The following SPOCK3 variants were observed in gnomAD, a reference collection of about 807,000 sequenced individuals.
The protein encoded by SPOCK3 is SPARC (osteonectin), cwcv and kazal like domains proteoglycan 3.
In SPOCK3, 30 loss-of-function variants were observed where a neutral mutation model predicts 56.6. The ratio of observed to expected loss-of-function variants is 0.53; its 90% CI spans 0.40 to 0.72. SPOCK3 has a LOEUF of 0.72. SPOCK3 is among the 30% of genes least tolerant of loss of function. The pLI is 0.00. For missense variants in SPOCK3, 527 were observed against 530.0 expected (o/e 0.99, Z 0.06); for synonymous variants, 196 against 183.3 (o/e 1.07, Z -0.56).
At chr4:166,839,470 CACAGGGT>C (rs1747001254) in intron 6 of SPOCK3, among the ~76,000 whole-genome samples, 1 of 152,028 alleles carries the variant, frequency 6.6e-6, no homozygotes, top group Non-Finnish European at 1.5e-5. Flanking sequence ...TAGACATTAG[CACAGGGT>C]AAGAGAAGAG....
intron 2 of SPOCK3, among the ~76,000 whole-genome samples, chr4:167,097,356 TTC>T (rs896297880): frequency 5.1e-4 from 78 of 151,998 alleles, no homozygotes; most frequent in African/African-American, 1.8e-3. Context: ...TCAGTAAATC[TTC>T]TCTAGTATCT....
At chr4:167,224,797 G>C (rs1269201006) in intron 2 of SPOCK3, among the ~76,000 whole-genome samples, 5 of 151,442 alleles carry the variant, frequency 3.3e-5, no homozygotes, top group Non-Finnish European at 7.4e-5. Flanking sequence ...GTAGCGAGTA[G>C]CTGGGATTAC....
At chr4:166,889,995 T>C (rs1396044334) in intron 5 of SPOCK3, among the ~76,000 whole-genome samples, 1 of 152,006 alleles carries the variant, frequency 6.6e-6, no homozygotes, top group Non-Finnish European at 1.5e-5. Flanking sequence ...GTCTCTCTAA[T>C]CCTCGTGTGC....
At position 166,748,340 on chromosome 4, in the gene SPOCK3, C is replaced by T. The variant is rs371126800; in HGVS notation, c.931+6168G>A. Among the ~76,000 whole-genome samples the T allele has an allele frequency of 4.0e-4, 55 of 137,056 alleles. 3 individuals carry two copies. The East Asian group carries it at 7.1e-3, about 18-fold the overall frequency. 89.9% of individuals were successfully genotyped at this position (137,056 alleles called of 152,430 possible). On this transcript the variant is annotated intron_variant, in intron 8 of 10. Transcript: ENST00000357545. Reference sequence around the variant, plus strand: ...CCTCAGAAATAATACCACACATCTACAACCATCTGATCTTTGACAAACCTG... The same window carrying T: ...CCTCAGAAATAATACCACACATCTATAACCATCTGATCTTTGACAAACCTG...
intron 4 of SPOCK3, among the ~76,000 whole-genome samples, chr4:166,998,605 C>T (rs1433635867): frequency 1.3e-5 from 2 of 152,112 alleles, no homozygotes; most frequent in Non-Finnish European, 2.9e-5. Context: ...GGTGTCAAAA[C>T]GAGTGTGTCT....
At position 167,120,753 on chromosome 4, in the gene SPOCK3, T is replaced by G. The variant is rs1208577067; in HGVS notation, c.190-58216A>C. 3.3e-5 allele frequency among the ~76,000 whole-genome samples: 5 copies of G among 151,758 alleles called. No homozygotes were observed. The East Asian group carries it at 7.8e-4, about 24-fold the overall frequency. ...ATAACTTCATTCATTTTAACAGAAG[T>G]GCATTTTTAAAAAGTTTTTAAACAT... is the stretch of plus-strand genomic sequence containing the variant. On this transcript the variant is annotated intron_variant, in intron 2 of 10. Coordinates refer to ENST00000357545, the MANE Select transcript of SPOCK3 (RefSeq NM_001040159.2).
intron 4 of SPOCK3, among the ~76,000 whole-genome samples, chr4:166,937,554 C>CTA (rs1740562514): frequency 6.8e-6 from 1 of 147,492 alleles, no homozygotes; most frequent in African/African-American, 2.5e-5. Flanking sequence ...TTATATATTA[C>CTA]TATATATATG....
chr4:167,086,743 T>C (rs549247243), intron 2 of SPOCK3, among the ~76,000 whole-genome samples: 2 of 152,144 alleles, frequency 1.3e-5, no homozygotes, highest in Non-Finnish European at 2.9e-5. Context: ...TATAAATATC[T>C]ACTTTACTCA....
chr4:167,029,551 T>A (rs1752064611), intron 3 of SPOCK3, among the ~76,000 whole-genome samples: 1 of 152,126 alleles, frequency 6.6e-6, no homozygotes, highest in African/African-American at 2.4e-5. Flanking sequence ...TTTAACTAAA[T>A]ACAGAATTGT....
chr4:167,195,257 A>G (rs1012825407), intron 2 of SPOCK3, among the ~76,000 whole-genome samples: 1 of 152,198 alleles, frequency 6.6e-6, no homozygotes, highest in Admixed American at 6.5e-5. Context: ...AGCTGCTTCA[A>G]GTGAGTCTCT....
intron 3 of SPOCK3, among the ~76,000 whole-genome samples, chr4:167,029,622 T>C (rs1752069466): frequency 6.6e-6 from 1 of 152,076 alleles, no homozygotes; most frequent in African/African-American, 2.4e-5. Flanking sequence ...CCCATATCTA[T>C]TGTTAGTAGT....
chr4:166,893,348 C>T (rs1734990668), intron 5 of SPOCK3, among the ~76,000 whole-genome samples: 1 of 152,200 alleles, frequency 6.6e-6, no homozygotes, highest in Admixed American at 6.6e-5. Flanking sequence ...ATTCTACAAA[C>T]CAACTGTCAA....
intron 2 of SPOCK3, among the ~76,000 whole-genome samples, chr4:167,142,207 C>G (rs1279115825): frequency 6.6e-6 from 1 of 151,772 alleles, no homozygotes; most frequent in East Asian, 1.9e-4. Flanking sequence ...GCAATATGAG[C>G]AAGTAAATAG....
chr4:167,185,822 T>C (rs977017185), intron 2 of SPOCK3, among the ~76,000 whole-genome samples: 1 of 152,208 alleles, frequency 6.6e-6, no homozygotes, highest in Non-Finnish European at 1.5e-5. Flanking sequence ...AACGAGTTTC[T>C]AAAATAAAAA....
intron 2 of SPOCK3, among the ~76,000 whole-genome samples, chr4:167,134,026 T>C (rs890821115): frequency 2.9e-5 from 4 of 136,140 alleles, no homozygotes; most frequent in South Asian, 2.6e-4. Context: ...CTTTTTCTTT[T>C]TTTTTTTTTT....
intron 4 of SPOCK3, among the ~76,000 whole-genome samples, chr4:166,942,591 C>T (rs1417442073): frequency 6.6e-6 from 1 of 151,448 alleles, no homozygotes; most frequent in Non-Finnish European, 1.5e-5. Flanking sequence ...TCATAGAACA[C>T]TATATATATT....
chr4:167,126,559 CA>C (rs566237445), intron 2 of SPOCK3, among the ~76,000 whole-genome samples: 150 of 150,504 alleles, frequency 1.0e-3, no homozygotes, highest in African/African-American at 3.4e-3. Flanking sequence ...AAAAAACAAA[CA>C]AAAAAAGTTC....
At chr4:167,100,569 C>T (rs924028200) in intron 2 of SPOCK3, among the ~76,000 whole-genome samples, 3 of 151,658 alleles carry the variant, frequency 2.0e-5, no homozygotes, top group Admixed American at 6.6e-5. Flanking sequence ...TCAATCTCAC[C>T]CTCCCATCTT....
At chr4:167,077,148 T>C (rs1295704929) in intron 2 of SPOCK3, among the ~76,000 whole-genome samples, 1 of 151,860 alleles carries the variant, frequency 6.6e-6, no homozygotes, top group Non-Finnish European at 1.5e-5. Flanking sequence ...ACATAATATA[T>C]GCATCTAAAA....
Sources: allele counts gnomAD v4.1 joint callset (sites outside exome capture counted in the v4.1 genomes callset), GRCh38; gene constraint gnomAD v4.1.1; transcripts MANE v1.5; gene names NCBI Gene and HGNC (gene_info 2026-07-23, HGNC 2026-07-21).